Variants in BARD1 observed in about 807,000 individuals in gnomAD.
BARD1 encodes BRCA1-associated RING domain protein 1.
Under a neutral mutation model 77.0 loss-of-function variants are expected in BARD1, and 73 were observed. The ratio of observed to expected loss-of-function variants is 0.95; its 90% CI spans 0.79 to 1.15. BARD1 has a LOEUF of 1.15. BARD1 is among the 50% of genes most tolerant of loss of function. The pLI is 0.00. For synonymous variants in BARD1, 384 were observed against 338.0 expected (o/e 1.14, Z -1.49); for missense variants, 993 against 938.8 (o/e 1.06, Z -0.75).
intron 6 of BARD1, among the ~76,000 whole-genome samples, chr2:214,765,154 G>A (rs1318813253): frequency 6.6e-6 from 1 of 152,152 alleles, no homozygotes; most frequent in African/African-American, 2.4e-5. Context: ...GGTGACTAGT[G>A]GCTACTGAAT....
In BARD1 at chr2:214,781,065, TCA is replaced by T; in HGVS notation, c.807_808del (p.Glu270MetfsTer7). On this transcript the variant is annotated frameshift_variant, in exon 4 of 11. Coordinates refer to ENST00000260947, the MANE Select transcript of BARD1 (RefSeq NM_000465.4). LOFTEE classifies it high-confidence loss of function. ...GACTTCAGTTAAACTTCCAAAACAT[TCA>T]GATTCTGTCAAGGAGCCACTTGCTA... 1 of 1,602,546 alleles carries T rather than the reference TCA, an allele frequency of 6.2e-7. No homozygotes were observed. Among genetic ancestry groups the T allele is most frequent in the Non-Finnish European group, 8.5e-7 (1 of 1,175,832 alleles).
At chr2:214,772,595 A>G (rs3768714) in intron 4 of BARD1, among the ~76,000 whole-genome samples, 80,943 of 152,066 alleles carry the variant, frequency 0.53, 22,398 homozygotes, top group Non-Finnish European at 0.61. Context: ...GACAGTTGCT[A>G]TTTTTCTTTC....
At chr2:214,794,236 G>GT (rs1454465374) in intron 2 of BARD1, among the ~76,000 whole-genome samples, 1 of 152,108 alleles carries the variant, frequency 6.6e-6, no homozygotes, top group Non-Finnish European at 1.5e-5. Context: ...GGGTGACAGA[G>GT]TGAGACTCTT....
Position 214,760,413 on chromosome 2 carries a change from G to A in BARD1, c.1568+7069C>T, listed in dbSNP as rs556883290. ...TCACCATGTTGGCTAGGCTAGTCTC[G>A]AACTCCTGACCTCAAGTGATCCACC... On this transcript the variant is annotated intron_variant, in intron 6 of 10. Transcript: ENST00000260947. 2.6e-5 allele frequency among the ~76,000 whole-genome samples: 4 copies of A among 152,192 alleles called. No homozygotes were observed. In the East Asian group the frequency reaches 7.7e-4, roughly 29 times the overall value.
At chr2:214,782,263 T>C (rs1161423757) in intron 3 of BARD1, among the ~76,000 whole-genome samples, 1 of 152,118 alleles carries the variant, frequency 6.6e-6, no homozygotes, top group Non-Finnish European at 1.5e-5. Flanking sequence ...ATAAACTACA[T>C]ACACATTATA....
intron 9 of BARD1, among the ~76,000 whole-genome samples, chr2:214,741,293 T>A (rs1017587566): frequency 6.6e-6 from 1 of 152,022 alleles, no homozygotes; most frequent in African/African-American, 2.4e-5. Context: ...AAAGAAAAGA[T>A]GACAGCCATC....
intron 4 of BARD1, among the ~76,000 whole-genome samples, chr2:214,770,509 G>A (rs1694433479): frequency 6.6e-6 from 1 of 152,134 alleles, no homozygotes; most frequent in African/African-American, 2.4e-5. Context: ...AAGATCCGGG[G>A]AATAAGTGAA....
rs1696215009 is a variant in BARD1, at chr2:214,805,244, C to T, written c.158+4168G>A. On this transcript the variant is annotated intron_variant, in intron 1 of 10. Coordinates refer to ENST00000260947, the MANE Select transcript of BARD1 (RefSeq NM_000465.4). ...GGCCCTACCCAAGTACTCTTCTCAG[C>T]ACTATGTCGACCTGCACGACAATTT... 3.9e-5 allele frequency among the ~76,000 whole-genome samples: 6 copies of T among 152,238 alleles called. No individual in the cohort carries two copies. In the South Asian group the frequency reaches 1.2e-3, roughly 32 times the overall value.
At chr2:214,789,603 C>T (rs1050893785) in intron 3 of BARD1, among the ~76,000 whole-genome samples, 9 of 152,000 alleles carry the variant, frequency 5.9e-5, no homozygotes, top group South Asian at 2.1e-4. Context: ...TATAAATTAG[C>T]ACTGCCAATT....
intron 6 of BARD1, among the ~76,000 whole-genome samples, chr2:214,764,803 G>T (rs1694119912): frequency 1.3e-5 from 2 of 152,156 alleles, no homozygotes; most frequent in Admixed American, 1.3e-4. Context: ...CAGGAAATTT[G>T]TAAAGCCAAT....
In BARD1 at chr2:214,745,829, C is replaced by G. The variant is rs1007761710; in HGVS notation, c.1703G>C (p.Gly568Ala). Residue 568 changes from glycine (G) to alanine (A), a missense_variant, in exon 8 of 11, where the codon GGA becomes GCA. Coordinates refer to ENST00000260947, the MANE Select transcript of BARD1 (RefSeq NM_000465.4). ...CCCACTGCCTATAAGTACAAGAGGT[C>G]CATCCCTACGCTGCCCAGTGTTCAT... Reference protein sequence around the residue: ...SVMNTGQRRDGPLVLIGSGLS... With the variant: ...SVMNTGQRRDAPLVLIGSGLS... 4.3e-6 allele frequency: 7 copies of G among 1,614,008 alleles called. No individual in the cohort carries two copies. Among genetic ancestry groups the G allele is most frequent in the Non-Finnish European group, 5.9e-6 (7 of 1,179,962 alleles).
rs587780033 is a variant in BARD1, at chr2:214,781,250, C to CT, written c.623dup (p.Lys209GlufsTer5). On this transcript the variant is annotated frameshift_variant, in exon 4 of 11. Transcript: ENST00000260947. LOFTEE classifies it high-confidence loss of function. ...TTTGGTTGATTTCAGCTAAAGTTTT[C>CT]TTTTTTTGCTTTTTTCCAGATCTTG... The CT allele has an allele frequency of 1.9e-6, 3 of 1,594,590 alleles. No homozygotes were observed. Among genetic ancestry groups the CT allele is most frequent in the Admixed American group, 1.8e-5 (1 of 54,456 alleles).
chr2:214,749,611 G>C (rs1294676917), intron 7 of BARD1, among the ~76,000 whole-genome samples: 1 of 151,914 alleles, frequency 6.6e-6, no homozygotes, highest in African/African-American at 2.4e-5. Context: ...TACATAAAAG[G>C]AACATCAGCA....
chr2:214,729,435 A>C, intron 10 of BARD1, among the ~76,000 whole-genome samples: 1 of 152,198 alleles, frequency 6.6e-6, no homozygotes, highest in South Asian at 2.1e-4. Flanking sequence ...GGAATGCTCC[A>C]TCTGTAACAA....
At chr2:214,792,474 A>C (rs1310215788) in intron 2 of BARD1, 29 bp from the exon 3 acceptor site, 1 of 1,295,922 alleles carries the variant, frequency 7.7e-7, no homozygotes, top group African/African-American at 1.5e-5. Context: ...AAAAAAAAAA[A>C]GCAACCCATT....
At chr2:214,805,926 T>C (rs1285170009) in intron 1 of BARD1, among the ~76,000 whole-genome samples, 1 of 152,170 alleles carries the variant, frequency 6.6e-6, no homozygotes, top group Non-Finnish European at 1.5e-5. Flanking sequence ...CAAAACAGTG[T>C]TATATGACAC....
intron 3 of BARD1, among the ~76,000 whole-genome samples, chr2:214,783,565 G>A (rs1695137263): frequency 1.3e-5 from 2 of 152,090 alleles, no homozygotes; most frequent in Admixed American, 6.6e-5. Flanking sequence ...CCTGTCAGGG[G>A]GTTGGGGGCA....
At chr2:214,771,715 G>C (rs1694499775) in intron 4 of BARD1, among the ~76,000 whole-genome samples, 1 of 150,326 alleles carries the variant, frequency 6.7e-6, no homozygotes, top group African/African-American at 2.5e-5. Context: ...GCGACAGAGC[G>C]AGACTCTACC....
At chr2:214,735,706 T>G (rs1377027646) in intron 9 of BARD1, among the ~76,000 whole-genome samples, 1 of 152,170 alleles carries the variant, frequency 6.6e-6, no homozygotes, top group African/African-American at 2.4e-5. Context: ...AGATAAACCT[T>G]GGGTATTATC....
Sources: gnomAD v4.1 joint callset for allele counts (sites outside exome capture counted in the v4.1 genomes callset) on GRCh38, gnomAD v4.1.1 for gene constraint, MANE v1.5 for transcripts, NCBI Gene and HGNC (gene_info 2026-07-23, HGNC 2026-07-21) for gene names.